The following RBM33 variants were observed in gnomAD, a reference collection of about 807,000 sequenced individuals.
RBM33 encodes the protein RNA-binding protein 33.
In RBM33, 28 loss-of-function variants were observed where a neutral mutation model predicts 132.6. That is an observed-to-expected ratio of 0.21 (90% CI 0.16 to 0.29). RBM33 has a LOEUF of 0.29. Among genes scored for constraint, RBM33 ranks in the 10% least tolerant of loss-of-function variants. The pLI is 1.00. For missense variants in RBM33, 1,291 were observed against 1,518.5 expected, an observed-to-expected ratio of 0.85 and a Z score of 2.49; for synonymous variants, 634 against 593.0, an observed-to-expected ratio of 1.07 and a Z score of -1.01.
intron 2 of RBM33, among the ~76,000 whole-genome samples, chr7:155,669,283 GT>G (rs1430060076): frequency 6.6e-6 from 1 of 152,158 alleles, no homozygotes; most frequent in Admixed American, 6.5e-5. Context: ...CTGAAATTGT[GT>G]TTTATTTATT....
At chr7:155,661,163 A>G (rs1186669466) in intron 1 of RBM33, among the ~76,000 whole-genome samples, 2 of 33,002 alleles carry the variant, frequency 6.1e-5, no homozygotes, top group East Asian at 8.7e-4. Context: ...TTTTTTTGAG[A>G]CAGAGTCTCA....
At position 155,711,267 on chromosome 7, in the gene RBM33, C is replaced by CGCAGCCGCT. The variant is rs751059146; in HGVS notation, c.1025_1033dup (p.Gln342_Leu344dup). The CGCAGCCGCT allele has an allele frequency of 2.6e-5, 41 of 1,603,152 alleles. No homozygotes were observed. The African/African-American group carries it at 4.3e-4, about 17-fold the overall frequency. On this transcript the variant is annotated inframe_insertion, in exon 8 of 18. Coordinates refer to ENST00000401878, the MANE Select transcript of RBM33 (RefSeq NM_053043.3). The stretch of plus-strand genomic sequence containing the variant: ...CAGCCGATCAGAAGCCTGTTCCAGC[C>CGCAGCCGCT]GCAGCCGCTGCAGCCGCTGCTTCCG...
In RBM33 at chr7:155,745,582, G is replaced by T; in HGVS notation, c.2959G>T (p.Val987Leu). 6.3e-7 allele frequency: 1 copy of T among 1,594,264 alleles called. No homozygotes were observed. Among genetic ancestry groups the T allele is most frequent in the Non-Finnish European group, 8.6e-7 (1 of 1,168,264 alleles). ...DGPHISSKVR[V>L]IKLSGGGGES... ...GCCCCACATCAGCTCCAAGGTCAGG[G>T]TGATTAAGCTGTCAGGTGGGGTAAG... The change falls in exon 14 of 18, where the codon GTG (valine) becomes TTG (leucine). Residue 987 changes from valine (V) to leucine (L), a missense_variant. Val to Leu is a conservative substitution (Grantham distance 32). Coordinates refer to ENST00000401878, the MANE Select transcript of RBM33 (RefSeq NM_053043.3). This position sits in a 1 kb window ranked among gnomAD's most constrained non-coding sequence, Gnocchi z 4.1.
chr7:155,648,053 G>A (rs188180474), intron 1 of RBM33, among the ~76,000 whole-genome samples: 31 of 152,218 alleles, frequency 2.0e-4, no homozygotes, highest in African/African-American at 7.2e-4. Flanking sequence ...TATAGGTGAG[G>A]TGAAAAAATG....
intron 9 of RBM33, among the ~76,000 whole-genome samples, chr7:155,732,720 GA>G (rs1800991183): frequency 6.6e-6 from 1 of 152,244 alleles, no homozygotes; most frequent in Non-Finnish European, 1.5e-5. Context: ...AAGCAGAGAA[GA>G]GGGGGAAGGA....
At chr7:155,710,434 G>A (rs147698350) in intron 7 of RBM33, among the ~76,000 whole-genome samples, 1 of 152,198 alleles carries the variant, frequency 6.6e-6, no homozygotes, top group Non-Finnish European at 1.5e-5. Context: ...GGAAGATTTA[G>A]TCCACGGCAG....
chr7:155,674,097 T>G (rs1252737164), intron 3 of RBM33, among the ~76,000 whole-genome samples: 2 of 151,962 alleles, frequency 1.3e-5, no homozygotes, highest in Non-Finnish European at 2.9e-5. Context: ...TAACCCTGCT[T>G]TCCCTCCTTT....
At chr7:155,698,906 T>C (rs1338930060) in intron 5 of RBM33, among the ~76,000 whole-genome samples, 6 of 152,344 alleles carry the variant, frequency 3.9e-5, no homozygotes, top group South Asian at 4.1e-4. Flanking sequence ...CATTCATTCA[T>C]TGAAGGACAT....
At chr7:155,758,450 A>G (rs910712788) in intron 14 of RBM33, among the ~76,000 whole-genome samples, 1 of 152,110 alleles carries the variant, frequency 6.6e-6, no homozygotes, top group African/African-American at 2.4e-5. Flanking sequence ...GGCAACCTAG[A>G]TCCCTCGCGT....
chr7:155,655,005 T>C (rs1370857236), intron 1 of RBM33, among the ~76,000 whole-genome samples: 1 of 152,242 alleles, frequency 6.6e-6, no homozygotes, highest in Non-Finnish European at 1.5e-5. Context: ...ATAATGATCA[T>C]GTATTAGTTT....
At chr7:155,742,212 A>G (rs1020251427) in intron 13 of RBM33, 106 bp downstream of exon 13, 2 of 1,078,736 alleles carry the variant, frequency 1.9e-6, no homozygotes, top group Non-Finnish European at 2.5e-6. Flanking sequence ...AAATCTTCCC[A>G]CTTTTTTCAC....
At chr7:155,749,179 C>T (rs777012103) in intron 14 of RBM33, among the ~76,000 whole-genome samples, 1 of 152,180 alleles carries the variant, frequency 6.6e-6, no homozygotes, top group African/African-American at 2.4e-5. Flanking sequence ...TGTGAGGCAT[C>T]AGTAAATGAA....
chr7:155,724,267 G>A (rs1348457360), intron 9 of RBM33, among the ~76,000 whole-genome samples: 1 of 152,102 alleles, frequency 6.6e-6, no homozygotes, highest in Non-Finnish European at 1.5e-5. Context: ...AATTCTTCTG[G>A]CCAGCGCTCC....
chr7:155,669,541 AGG>A (rs2116899047), intron 2 of RBM33, among the ~76,000 whole-genome samples: 1 of 152,028 alleles, frequency 6.6e-6, no homozygotes, highest in South Asian at 2.1e-4. Flanking sequence ...TTAGTAGAGA[AGG>A]GGTTTCGCCG....
At chr7:155,772,713 C>A (rs1802471547) in intron 16 of RBM33, among the ~76,000 whole-genome samples, 1 of 152,182 alleles carries the variant, frequency 6.6e-6, no homozygotes, top group Non-Finnish European at 1.5e-5. Context: ...CAGACCAATT[C>A]CGTTACTGCC....
intron 5 of RBM33, among the ~76,000 whole-genome samples, chr7:155,693,475 A>G (rs1319620344): frequency 2.0e-5 from 3 of 151,966 alleles, no homozygotes; most frequent in African/African-American, 7.2e-5. Context: ...TAGATGTATT[A>G]TTTACTTTTT....
rs577629378 is a variant in RBM33 at position 155,759,449 on chromosome 7, G to A, written c.2980-4363G>A. 5.9e-3 allele frequency among the ~76,000 whole-genome samples: 756 copies of A among 127,626 alleles called. 15 individuals carry two copies. Among genetic ancestry groups the A allele is most frequent in the African/African-American group, 0.022 (700 of 31,832 alleles). 83.7% of individuals were successfully genotyped at this position (127,626 alleles called of 152,430 possible). ...TTTTTTTTTTTTGAGATGGAGTCTCGCTCTGTCTCCCAGGCTGGAGTGCAG... is the reference window on the plus strand; with the variant it reads ...TTTTTTTTTTTTGAGATGGAGTCTCACTCTGTCTCCCAGGCTGGAGTGCAG... On this transcript the variant is annotated intron_variant, in intron 14 of 17. Transcript: ENST00000401878.
In RBM33 at chr7:155,774,351, G is replaced by A. The variant is rs1802536012; in HGVS notation, c.3376-208G>A. 6.6e-6 allele frequency among the ~76,000 whole-genome samples: 1 copy of A among 152,170 alleles called. No individual in the cohort carries two copies. The highest frequency in any genetic ancestry group is 2.1e-4 in the South Asian group (1 of 4,822). ...TGGAAGATGTAACTGTTGCTGTTGG[G>A]AATGATTTAGTAAAGCACTGTTTTG... On this transcript the variant is annotated intron_variant, in intron 16 of 17. Transcript: ENST00000401878. The surrounding 1 kb of genome is among the most constrained non-coding windows in gnomAD (Gnocchi z 4.2).
intron 3 of RBM33, among the ~76,000 whole-genome samples, chr7:155,677,392 T>C (rs1799215605): frequency 6.6e-6 from 1 of 152,140 alleles, no homozygotes; most frequent in Non-Finnish European, 1.5e-5. Flanking sequence ...GTACTTTTAG[T>C]AGAGTCAGGG....
Sources: gnomAD v4.1 joint callset for allele counts (sites outside exome capture counted in the v4.1 genomes callset) on GRCh38, gnomAD v4.1.1 for gene constraint, Gnocchi (gnomAD v3.1) non-coding constraint, MANE v1.5 for transcripts, NCBI Gene and HGNC (gene_info 2026-07-23, HGNC 2026-07-21) for gene names.